REEP2: variants seen among roughly 807,000 people sequenced by gnomAD.
REEP2 encodes receptor accessory protein 2.
In REEP2, 9 loss-of-function variants were observed where a neutral mutation model predicts 32.1. The ratio of observed to expected loss-of-function variants is 0.28; its 90% confidence interval spans 0.17 to 0.49. The LOEUF is 0.49. Among genes scored for constraint, REEP2 ranks in the 20% least tolerant of loss-of-function variants. The pLI is 0.99. For synonymous variants in REEP2, 128 were observed against 139.1 expected, an observed-to-expected ratio of 0.92 and a Z score of 0.56; for missense variants, 236 against 338.0, an observed-to-expected ratio of 0.70 and a Z score of 2.37.
At chr5:138,440,017 G>A (rs1054474359) in intron 1 of REEP2, among the ~76,000 whole-genome samples, 3 of 152,164 alleles carry the variant, frequency 2.0e-5, no homozygotes, top group African/African-American at 4.8e-5. Flanking sequence ...ATTCTGCTCC[G>A]CACTCCACTT....
intron 3 of REEP2, among the ~76,000 whole-genome samples, chr5:138,442,503 G>C (rs1219726921): frequency 6.6e-6 from 1 of 151,862 alleles, no homozygotes; most frequent in Non-Finnish European, 1.5e-5. Flanking sequence ...ACGAGGTCAG[G>C]AGATCGAGAC....
At position 138,439,125 on chromosome 5, in the gene REEP2, T is replaced by C; in HGVS notation, c.-84T>C. 1 of 859,662 alleles carries C rather than the reference T, an allele frequency of 1.2e-6. No homozygotes were observed. Among genetic ancestry groups the C allele is most frequent in the Non-Finnish European group, 1.5e-6 (1 of 668,478 alleles). 53.3% of individuals were successfully genotyped at this position (859,662 alleles called of 1,614,324 possible). On this transcript the variant is annotated 5_prime_UTR_variant, in exon 1 of 8. Transcript: ENST00000378339. ...CTGCTGCTGCTACTGCGGCTCCTGCTGCCGCCGCCGCCGCCGCTCGGCCTC... is the reference window on the plus strand; with the variant it reads ...CTGCTGCTGCTACTGCGGCTCCTGCCGCCGCCGCCGCCGCCGCTCGGCCTC...
At chr5:138,440,800 A>C in intron 1 of REEP2, 19 of 869,410 alleles carry the variant, frequency 2.2e-5, no homozygotes, top group Non-Finnish European at 2.9e-5. Flanking sequence ...CTCCGGGGCT[A>C]GAGAAAAACT....
chr5:138,439,166 C>A lies in REEP2; in HGVS notation c.-43C>A. 1.5e-6 allele frequency: 2 copies of A among 1,322,238 alleles called. No homozygotes were observed. The highest frequency in any genetic ancestry group is 1.9e-6 in the Non-Finnish European group (2 of 1,035,154). The allele number at this position is 1,322,238 out of a possible 1,614,324, so 81.9% of individuals were successfully genotyped here. A position where few individuals can be genotyped will look rare whatever the true frequency, so the allele number is the denominator to read the frequency against. On this transcript the variant is annotated 5_prime_UTR_variant, in exon 1 of 8. Transcript: ENST00000378339. ...GCTCGGCCTCAGGCAGCTGCATCCT[C>A]GGCCGGGCCGGGTCCCCGCCCCGCG...
Position 138,445,992 on chromosome 5 carries a change from C to T in REEP2, c.*241C>T, listed in dbSNP as rs1763924325. Reference sequence around the variant, plus strand: ...ACCAGAGGCTGAGGACTGAGCCACCCAAGGAGGTGGGGACTGCTCGGCCTC... The same window carrying T: ...ACCAGAGGCTGAGGACTGAGCCACCTAAGGAGGTGGGGACTGCTCGGCCTC... On this transcript the variant is annotated 3_prime_UTR_variant, in exon 8 of 8. Transcript: ENST00000378339. 1.8e-6 allele frequency: 1 copy of T among 553,196 alleles called. No homozygotes were observed. The highest frequency in any genetic ancestry group is 3.2e-6 in the Non-Finnish European group (1 of 312,408). The allele number at this position is 553,196 out of a possible 1,614,324, so 34.3% of individuals were successfully genotyped here.
At chr5:138,444,088 G>A (rs1763877585) in intron 3 of REEP2, among the ~76,000 whole-genome samples, 1 of 152,076 alleles carries the variant, frequency 6.6e-6, no homozygotes, top group African/African-American at 2.4e-5. Context: ...ACAGTCAAGA[G>A]TTTCCCTTGG....
chr5:138,440,837 A>G (rs911440449), intron 1 of REEP2, 179 bp from the exon 2 acceptor site: 17 of 1,245,692 alleles, frequency 1.4e-5, no homozygotes, highest in Non-Finnish European at 1.8e-5. Context: ...AGGGGGCATC[A>G]CCCTACCTGG....
chr5:138,441,911 A>C lies in REEP2; in HGVS notation c.182+450A>C, dbSNP rs1199123617. Among the ~76,000 whole-genome samples, 2 of 151,982 alleles carry C rather than the reference A, an allele frequency of 1.3e-5. No homozygotes were observed. Among genetic ancestry groups the C allele is most frequent in the Admixed American group, 1.3e-4 (2 of 15,260 alleles). On this transcript the variant is annotated intron_variant, in intron 3 of 7. Transcript: ENST00000378339. This position sits in a 1 kb window ranked among gnomAD's most constrained non-coding sequence, Gnocchi z 4.4. ...CATTGCACTCCAGCCTGGGCAACAG[A>C]GTGAGACTCCGTCTCAAAAAAAAAA...
chr5:138,445,198 G>T, intron 5 of REEP2, 30 bp from the exon 6 acceptor site: 1 of 1,553,034 alleles, frequency 6.4e-7, no homozygotes, highest in Non-Finnish European at 8.7e-7. Flanking sequence ...CCTTCCCCCC[G>T]GCTCTCCCGG....
chr5:138,443,697 A>C (rs1335459823), intron 3 of REEP2: 1 of 151,936 alleles, frequency 6.6e-6, no homozygotes, highest in Non-Finnish European at 1.5e-5. Context: ...ACACGCCACC[A>C]CACCTGGCTT....
chr5:138,439,267 T>A, intron 1 of REEP2, 27 bp downstream of exon 1: 1 of 1,418,792 alleles, frequency 7.0e-7, no homozygotes, highest in African/African-American at 1.5e-5. Flanking sequence ...CGGGGGGTGA[T>A]GCGGGCTGTG....
chr5:138,444,849 A>G lies in REEP2; in HGVS notation c.399A>G (p.Ala133=). The stretch of plus-strand genomic sequence containing the variant: ...GCCTGAACCTTGCCGCCAATGCTGC[A>G]GTCACAGCTGCCGCCAAGGTGAGAT... ...KRGLNLAANA[A]VTAAAKGQGV... The change falls in exon 5 of 8, where the codon GCA becomes GCG. Residue 133 remains alanine (A), a synonymous_variant. Coordinates refer to ENST00000378339, the MANE Select transcript of REEP2 (RefSeq NM_001271803.2). 1 of 1,613,132 alleles carries G rather than the reference A, an allele frequency of 6.2e-7. No individual in the cohort carries two copies. Among genetic ancestry groups the G allele is most frequent in the Non-Finnish European group, 8.5e-7 (1 of 1,179,550 alleles).
Position 138,441,153 on chromosome 5 carries a change from C to T in REEP2, c.105+65C>T. 1.3e-6 allele frequency: 2 copies of T among 1,595,104 alleles called. No individual in the cohort carries two copies. Among genetic ancestry groups the T allele is most frequent in the South Asian group, 1.1e-5 (1 of 90,130 alleles). ...GCACAGAGAGGGGAGGGCACTGGGT[C>T]CTATTACAGATGGGGGTGACTTTGC... On this transcript the variant is annotated intron_variant, in intron 2 of 7. Transcript: ENST00000378339. This position sits in a 1 kb window ranked among gnomAD's most constrained non-coding sequence, Gnocchi z 4.4.
In REEP2 at chr5:138,446,669, CTCTG is replaced by C. The variant is rs1259126397; in HGVS notation, c.*923_*926del. The stretch of plus-strand genomic sequence containing the variant: ...CCGTGCTCCTCAGGGCCCACCCCTG[CTCTG>C]TCTGGTACAGGCCCCTGCTGAGTGG... On this transcript the variant is annotated 3_prime_UTR_variant, in exon 8 of 8. Transcript: ENST00000378339. 2 of 153,000 alleles carry C rather than the reference CTCTG, an allele frequency of 1.3e-5. No individual in the cohort carries two copies. The highest frequency in any genetic ancestry group is 2.4e-5 in the African/African-American group (1 of 41,450). 9.5% of individuals were successfully genotyped at this position (153,000 alleles called of 1,614,324 possible).
chr5:138,442,621 C>T (rs1198801778), intron 3 of REEP2, among the ~76,000 whole-genome samples: 1 of 151,982 alleles, frequency 6.6e-6, no homozygotes, highest in East Asian at 1.9e-4. Flanking sequence ...TTTGGGAGGC[C>T]GAGGTGGGCG....
rs1248724346 is a variant in REEP2 at position 138,445,346 on chromosome 5, G to A, written c.536G>A (p.Gly179Asp). 2 of 1,613,310 alleles carry A rather than the reference G, an allele frequency of 1.2e-6. No homozygotes were observed. The highest frequency in any genetic ancestry group is 1.7e-6 in the Non-Finnish European group (2 of 1,179,738). The change falls in exon 6 of 8, where the codon GGC becomes GAC. Residue 179 changes from glycine (G) to aspartate (D), a missense_variant. By Grantham distance (94) the Gly-to-Asp change is moderately conservative. Coordinates refer to ENST00000378339, the MANE Select transcript of REEP2 (RefSeq NM_001271803.2). Reference sequence around the variant, plus strand: ...GACGGCCGCCTCCGACCCAGCCCTGGCAGCCTCCTGGACACCATCGAGGAC... The same window carrying A: ...GACGGCCGCCTCCGACCCAGCCCTGACAGCCTCCTGGACACCATCGAGGAC... ...RPDGRLRPSP[G>D]SLLDTIEDLG...
chr5:138,444,562 C>T (rs1333969766), intron 4 of REEP2, 27 bp downstream of exon 4: 2 of 1,612,168 alleles, frequency 1.2e-6, no homozygotes. Context: ...AGCTCACCTC[C>T]CAGCCTGCCC....
chr5:138,445,404 G>A (rs748693080), intron 6 of REEP2, 29 bp downstream of exon 6: 23 of 1,612,304 alleles, frequency 1.4e-5, no homozygotes, highest in Non-Finnish European at 1.8e-5. Context: ...GTTGGGGTGG[G>A]GCCCCAAGGG....
Position 138,445,543 on chromosome 5 carries a change from TG to T in REEP2, c.644del (p.Gly215GlufsTer25). The T allele has an allele frequency of 6.2e-7, 1 of 1,614,090 alleles. No individual in the cohort carries two copies. The highest frequency in any genetic ancestry group is 8.5e-7 in the Non-Finnish European group (1 of 1,180,010). ...DSRTEASEDD[M>X]GDKAPKRAKP... Reference sequence around the variant, plus strand: ...CGGACAGAGGCTTCTGAGGATGACATGGGAGACAAAGCTCCCAAGAGGGCCA... The same window carrying T: ...CGGACAGAGGCTTCTGAGGATGACATGGAGACAAAGCTCCCAAGAGGGCCA... On this transcript the variant is annotated frameshift_variant, in exon 7 of 8. Coordinates refer to ENST00000378339, the MANE Select transcript of REEP2 (RefSeq NM_001271803.2). LOFTEE classifies it high-confidence loss of function.
Sources: allele counts gnomAD v4.1 joint callset (sites outside exome capture counted in the v4.1 genomes callset), GRCh38; gene constraint gnomAD v4.1.1; non-coding constraint Gnocchi (gnomAD v3.1); transcripts MANE v1.5; gene names NCBI Gene and HGNC (gene_info 2026-07-23, HGNC 2026-07-21).